Variants in MPPE1 observed in about 807,000 individuals in gnomAD.
MPPE1 encodes metallophosphoesterase 1.
MPPE1 carries 28 observed loss-of-function variants against 43.8 expected under a neutral mutation model. The observed-to-expected ratio is 0.64, with a 90% confidence interval of 0.47 to 0.88. The LOEUF is 0.88. MPPE1 is among the 40% of genes least tolerant of loss of function. MPPE1 has a pLI of 0.00. For missense variants in MPPE1, 428 were observed against 492.2 expected (o/e 0.87, Z 1.23); for synonymous variants, 159 against 188.5 (o/e 0.84, Z 1.28).
chr18:11,904,809 T>C (rs982159341), intron 2 of MPPE1, among the ~76,000 whole-genome samples: 1 of 151,660 alleles, frequency 6.6e-6, no homozygotes, highest in Non-Finnish European at 1.5e-5. Flanking sequence ...CGGGTGTGGT[T>C]GAGTGAGCGT....
At chr18:11,888,776 G>C (rs2037632221) in intron 5 of MPPE1, 33 bp from the exon 6 acceptor site, 1 of 1,381,682 alleles carries the variant, frequency 7.2e-7, no homozygotes, top group Admixed American at 2.5e-5. Context: ...ACATTTTTCA[G>C]GACAAGCCAT....
At position 11,883,172 on chromosome 18, in the gene MPPE1, T is replaced by C. The variant is rs1188253016; in HGVS notation, c.*1273A>G. 2.0e-5 allele frequency: 3 copies of C among 151,422 alleles called. No individual in the cohort carries two copies. The highest frequency in any genetic ancestry group is 6.6e-5 in the Admixed American group (1 of 15,196). The allele number at this position is 151,422 out of a possible 1,614,324, so 9.4% of individuals were successfully genotyped here. The stretch of plus-strand genomic sequence containing the variant: ...CTTTTTCATGAAGAAAGGATAACTT[T>C]ATAGACAGTCAGTGCAACACACACA... On this transcript the variant is annotated 3_prime_UTR_variant, in exon 11 of 11. Transcript: ENST00000588072.
At chr18:11,893,376 C>A in intron 4 of MPPE1, 92 bp downstream of exon 4, 1 of 844,274 alleles carries the variant, frequency 1.2e-6, no homozygotes, top group South Asian at 1.5e-5. Context: ...CATAAAATCT[C>A]CAGCTCAAGC....
chr18:11,893,492 A>G lies in MPPE1; in HGVS notation c.366T>C (p.Asp122=). The part of the protein sequence containing the change: ...EVVFILGDIF[D]EGKWSTPEAW... ...CCTCAGGGGTGCTCCACTTCCCTTC[A>G]TCAAAGATATCCCCCAGGATGAAGA... The change falls in exon 4 of 11, where the codon GAT becomes GAC. Residue 122 remains aspartate, a synonymous_variant. Coordinates refer to ENST00000588072, the MANE Select transcript of MPPE1 (RefSeq NM_023075.6). 4.3e-6 allele frequency: 7 copies of G among 1,613,822 alleles called. No homozygotes were observed. The highest frequency in any genetic ancestry group is 1.7e-6 in the Non-Finnish European group (2 of 1,180,008).
At chr18:11,894,431 CAAA>C (rs66687820) in intron 3 of MPPE1, among the ~76,000 whole-genome samples, 397 of 65,122 alleles carry the variant, frequency 6.1e-3, no homozygotes, top group African/African-American at 0.018. Flanking sequence ...GACTCCATCT[CAAA>C]AAAAAAAAAA....
intron 2 of MPPE1, among the ~76,000 whole-genome samples, chr18:11,898,261 G>A (rs772893488): frequency 1.3e-4 from 19 of 151,972 alleles, no homozygotes; most frequent in Non-Finnish European, 2.5e-4. Context: ...TAGCAGAGAC[G>A]GTTTTTCGCC....
Position 11,883,168 on chromosome 18 carries a change from A to ACTT in MPPE1, c.*1274_*1276dup, listed in dbSNP as rs1293488005. On this transcript the variant is annotated 3_prime_UTR_variant, in exon 11 of 11. Transcript: ENST00000588072. Reference sequence around the variant, plus strand: ...GCTACTTTTTCATGAAGAAAGGATAACTTTATAGACAGTCAGTGCAACACA... The same window carrying ACTT: ...GCTACTTTTTCATGAAGAAAGGATAACTTCTTTATAGACAGTCAGTGCAACACA... 1 of 152,182 alleles carries ACTT rather than the reference A, an allele frequency of 6.6e-6. No individual in the cohort carries two copies. The highest frequency in any genetic ancestry group is 1.5e-5 in the Non-Finnish European group (1 of 68,040). The allele number at this position is 152,182 out of a possible 1,614,324, so 9.4% of individuals were successfully genotyped here. A position where few individuals can be genotyped will look rare whatever the true frequency, so the allele number is the denominator to read the frequency against.
At position 11,883,070 on chromosome 18, in the gene MPPE1, G is replaced by C. The variant is rs1288731106; in HGVS notation, c.*1375C>G. The C allele has an allele frequency of 6.6e-6, 1 of 152,094 alleles. No individual in the cohort carries two copies. The highest frequency in any genetic ancestry group is 1.5e-5 in the Non-Finnish European group (1 of 68,022). 9.4% of individuals were successfully genotyped at this position (152,094 alleles called of 1,614,324 possible). On this transcript the variant is annotated 3_prime_UTR_variant, in exon 11 of 11. Coordinates refer to ENST00000588072, the MANE Select transcript of MPPE1 (RefSeq NM_023075.6). ...ATTATTACTCTTCTTTTAGTCTTTA[G>C]TCTTTAATATTTTAAAGTTTACTCT...
rs183529903 is a variant in MPPE1, at chr18:11,907,546, G to A, written c.-200+655C>T. On this transcript the variant is annotated intron_variant, in intron 1 of 10. Coordinates refer to ENST00000588072, the MANE Select transcript of MPPE1 (RefSeq NM_023075.6). Reference sequence around the variant, plus strand: ...ATAGAGTTTTGACTTTTTGTCAACCGCAGGCTGCGTCACAGCTCGCTGCAG... The same window carrying A: ...ATAGAGTTTTGACTTTTTGTCAACCACAGGCTGCGTCACAGCTCGCTGCAG... Among the ~76,000 whole-genome samples the A allele has an allele frequency of 1.0e-3, 156 of 152,058 alleles. 1 individual carries two copies. The highest frequency in any genetic ancestry group is 0.01 in the Middle Eastern group (3 of 294).
intron 6 of MPPE1, among the ~76,000 whole-genome samples, chr18:11,888,189 T>C (rs2037554192): frequency 6.6e-6 from 1 of 152,228 alleles, no homozygotes; most frequent in South Asian, 2.1e-4. Context: ...CAGGATGCTC[T>C]GGTCTAAAAG....
chr18:11,904,314 TA>T (rs34921014), intron 2 of MPPE1, among the ~76,000 whole-genome samples: 3,699 of 101,516 alleles, frequency 0.036, 167 homozygotes, highest in African/African-American at 0.16. Flanking sequence ...CTTTTTTATT[TA>T]TTTATTTATT....
chr18:11,887,052 GC>G, intron 6 of MPPE1, 27 bp from the exon 7 acceptor site: 1 of 1,531,064 alleles, frequency 6.5e-7, no homozygotes, highest in Non-Finnish European at 9.0e-7. Context: ...CGCAGGTGAG[GC>G]CGCTGGGGGT....
chr18:11,892,674 A>G (rs1371540453), intron 4 of MPPE1, among the ~76,000 whole-genome samples: 2 of 151,336 alleles, frequency 1.3e-5, no homozygotes, highest in Non-Finnish European at 3.0e-5. Flanking sequence ...TCCATCTCAA[A>G]AAAAAAAAAA....
intron 4 of MPPE1, among the ~76,000 whole-genome samples, chr18:11,891,799 G>A (rs558140577): frequency 7.8e-4 from 118 of 151,926 alleles, no homozygotes; most frequent in Non-Finnish European, 1.3e-3. Flanking sequence ...GTTTTTGTTT[G>A]GGTTGTTTGT....
At chr18:11,904,313 T>TA (rs1275303434) in intron 2 of MPPE1, among the ~76,000 whole-genome samples, 1 of 119,372 alleles carries the variant, frequency 8.4e-6, no homozygotes, top group African/African-American at 4.3e-5. Context: ...TCTTTTTTAT[T>TA]TATTTATTTA....
In MPPE1 at chr18:11,886,483, C is replaced by G. The variant is rs775301843; in HGVS notation, c.867+16G>C. 6.2e-7 allele frequency: 1 copy of G among 1,614,070 alleles called. No individual in the cohort carries two copies. The highest frequency in any genetic ancestry group is 1.7e-5 in the Admixed American group (1 of 60,010). ...CACACTGTGACATGAATTAGCATCA[C>G]GACACCCTGGCAAACCTTTTGTGAT... is the stretch of plus-strand genomic sequence containing the variant. On this transcript the variant is annotated intron_variant, in intron 9 of 10. Transcript: ENST00000588072. This position sits in a 1 kb window ranked among gnomAD's most constrained non-coding sequence, Gnocchi z 4.1.
intron 2 of MPPE1, among the ~76,000 whole-genome samples, chr18:11,900,285 T>G (rs2039006133): frequency 6.6e-6 from 1 of 152,114 alleles, no homozygotes; most frequent in Non-Finnish European, 1.5e-5. Context: ...AGGCGGAGGT[T>G]GCAGTGGGCC....
chr18:11,889,306 G>A, intron 5 of MPPE1, 81 bp downstream of exon 5: 3 of 869,528 alleles, frequency 3.5e-6, no homozygotes, highest in South Asian at 3.4e-5. Context: ...GCACAAATAG[G>A]GCTTTCACCT....
chr18:11,890,590 A>G (rs927701872), intron 4 of MPPE1, among the ~76,000 whole-genome samples: 7 of 152,284 alleles, frequency 4.6e-5, no homozygotes, highest in African/African-American at 1.2e-4. Flanking sequence ...GATTACAGGC[A>G]TAAGCCACCA....
Sources: gnomAD v4.1 joint callset for allele counts (sites outside exome capture counted in the v4.1 genomes callset) on GRCh38, gnomAD v4.1.1 for gene constraint, Gnocchi (gnomAD v3.1) non-coding constraint, MANE v1.5 for transcripts, NCBI Gene and HGNC (gene_info 2026-07-23, HGNC 2026-07-21) for gene names.